TPPP: variants seen among roughly 807,000 people sequenced by gnomAD.
The protein encoded by TPPP is tubulin polymerization-promoting protein.
TPPP carries 6 observed loss-of-function variants against 15.5 expected under a neutral mutation model. The observed-to-expected ratio is 0.39, with a 90% CI of 0.21 to 0.77. The LOEUF is 0.77. Ranked by LOEUF, TPPP falls within the 30% of genes least tolerant of loss-of-function variation. The pLI is 0.42. For synonymous variants in TPPP, 146 were observed against 133.9 expected, an observed-to-expected ratio of 1.09 and a Z score of -0.63; for missense variants, 269 against 307.2, an observed-to-expected ratio of 0.88 and a Z score of 0.93.
chr5:677,411 G>A (rs1051646419), intron 2 of TPPP, among the ~76,000 whole-genome samples: 8 of 152,142 alleles, frequency 5.3e-5, no homozygotes, highest in Non-Finnish European at 7.4e-5. Flanking sequence ...CCCTGACTCC[G>A]GGGAGCAGCA....
chr5:677,655 C>A, intron 2 of TPPP, 95 bp downstream of exon 2: 1 of 1,224,516 alleles, frequency 8.2e-7, no homozygotes. Flanking sequence ...CCCCTCCACT[C>A]CCCATGGCCC....
intron 1 of TPPP, among the ~76,000 whole-genome samples, chr5:678,448 G>A (rs536114697): frequency 1.8e-4 from 26 of 144,274 alleles, no homozygotes; most frequent in African/African-American, 7.2e-4. Flanking sequence ...CCTCCCCGCC[G>A]CAGTTCCACT....
intron 2 of TPPP, among the ~76,000 whole-genome samples, chr5:669,473 T>A (rs1207915396): frequency 1.3e-5 from 2 of 152,076 alleles, no homozygotes; most frequent in African/African-American, 2.4e-5. Context: ...GGGTGTTGAC[T>A]CTCTGGGGCC....
chr5:693,987 C>T (rs568372812), upstream of TPPP, among the ~76,000 whole-genome samples: 1,280 of 146,692 alleles, frequency 8.7e-3, 45 homozygotes, highest in Non-Finnish European at 0.014. Flanking sequence ...GGGCGCCCAG[C>T]GCAGCTGCTC....
At chr5:668,433 C>T (rs1415484269) in intron 2 of TPPP, among the ~76,000 whole-genome samples, 19 of 126,094 alleles carry the variant, frequency 1.5e-4, no homozygotes, top group African/African-American at 5.3e-4. Context: ...CGCGTGGGCG[C>T]CGTCAGGGAA....
chr5:693,909 G>T (rs1318883416), upstream of TPPP, among the ~76,000 whole-genome samples: 3 of 149,416 alleles, frequency 2.0e-5, no homozygotes, highest in Non-Finnish European at 4.5e-5. Context: ...GCGCACCCAG[G>T]GGACTGGGCT....
intron 2 of TPPP, among the ~76,000 whole-genome samples, chr5:675,416 T>G (rs2452832): frequency 0.57 from 40,958 of 71,500 alleles, 11,404 homozygotes; most frequent in African/African-American, 0.85. Context: ...GGGTGCAGTG[T>G]GGCCAGGGGT....
intron 1 of TPPP, among the ~76,000 whole-genome samples, chr5:683,880 C>T (rs1740694277): frequency 6.6e-6 from 1 of 152,262 alleles, no homozygotes; most frequent in Non-Finnish European, 1.5e-5. Flanking sequence ...GATACCCCGG[C>T]CTCCACAGGC....
upstream of TPPP, among the ~76,000 whole-genome samples, chr5:693,859 G>A (rs1420561730): frequency 5.3e-5 from 8 of 149,642 alleles, no homozygotes; most frequent in Non-Finnish European, 1.2e-4. Context: ...CAGGGAAGCG[G>A]CAGGGCCGGG....
chr5:669,619 G>A (rs545187420), intron 2 of TPPP, among the ~76,000 whole-genome samples: 12 of 151,746 alleles, frequency 7.9e-5, no homozygotes, highest in East Asian at 7.8e-4. Context: ...CCTTTCTGAC[G>A]GCCTCGGAGC....
At chr5:698,791 A>G in the TPPP span, among the ~76,000 whole-genome samples, 1 of 151,858 alleles carries the variant, frequency 6.6e-6, no homozygotes, top group East Asian at 1.9e-4. Context: ...CCACCAAAAA[A>G]CTCTTAGATT....
rs369017633 is a variant in TPPP at position 667,582 on chromosome 5, G to A, written c.312-1459C>T. Among the ~76,000 whole-genome samples, 111 of 151,820 alleles carry A rather than the reference G, an allele frequency of 7.3e-4. No homozygotes were observed. In the South Asian group the frequency reaches 0.021, roughly 29 times the overall value. The stretch of plus-strand genomic sequence containing the variant: ...TGAACTAGACTTCATCAAAACGTTC[G>A]AAACTCTGCTCTCAGAAGACACCGT... On this transcript the variant is annotated intron_variant, in intron 2 of 3. Coordinates refer to ENST00000360578, the MANE Select transcript of TPPP (RefSeq NM_007030.3).
chr5:670,087 G>T (rs1032628071), intron 2 of TPPP, among the ~76,000 whole-genome samples: 1 of 152,132 alleles, frequency 6.6e-6, no homozygotes, highest in African/African-American at 2.4e-5. Flanking sequence ...GAGTCCCCTG[G>T]CCTCTGGGCC....
chr5:684,225 A>T (rs1488656835), intron 1 of TPPP, among the ~76,000 whole-genome samples: 13 of 152,312 alleles, frequency 8.5e-5, no homozygotes, highest in South Asian at 2.1e-4. Context: ...TGGCCCCAGG[A>T]CGCTGACTGA....
chr5:674,493 G>A (rs1170441430), intron 2 of TPPP, among the ~76,000 whole-genome samples: 3 of 151,874 alleles, frequency 2.0e-5, no homozygotes, highest in Non-Finnish European at 4.4e-5. Context: ...CTCCCGGTCC[G>A]AGTGCCCGGG....
chr5:670,568 G>T (rs1442385326), intron 2 of TPPP, among the ~76,000 whole-genome samples: 4 of 152,096 alleles, frequency 2.6e-5, no homozygotes, highest in African/African-American at 4.8e-5. Flanking sequence ...ACGGGGGGAG[G>T]GGGAGCTTCT....
chr5:674,498 C>T (rs1434518415), intron 2 of TPPP, among the ~76,000 whole-genome samples: 6 of 152,132 alleles, frequency 3.9e-5, no homozygotes, highest in Admixed American at 3.9e-4. Context: ...GGTCCGAGTG[C>T]CCGGGACACG....
At chr5:694,476 G>A (rs1740983031), upstream of TPPP, among the ~76,000 whole-genome samples, 4 of 125,808 alleles carry the variant, frequency 3.2e-5, no homozygotes, top group Admixed American at 3.2e-4. Context: ...AAGGCAGAAG[G>A]GGAAGTTGGG....
chr5:681,386 T>C (rs1227949242), intron 1 of TPPP, among the ~76,000 whole-genome samples: 1 of 151,874 alleles, frequency 6.6e-6, no homozygotes, highest in East Asian at 1.9e-4. Flanking sequence ...CCCCAGGGGG[T>C]CACCCTGCAC....
Sources: gnomAD v4.1 joint callset for allele counts (sites outside exome capture counted in the v4.1 genomes callset) on GRCh38, gnomAD v4.1.1 for gene constraint, MANE v1.5 for transcripts, NCBI Gene and HGNC (gene_info 2026-07-23, HGNC 2026-07-21) for gene names.